TJP1: variants seen among roughly 807,000 people sequenced by gnomAD.
The protein encoded by TJP1 is tight junction protein ZO-1.
TJP1 carries 43 observed loss-of-function variants against 194.2 expected under a neutral mutation model. The observed-to-expected ratio is 0.22, with a 90% CI of 0.17 to 0.29. The LOEUF (loss-of-function observed/expected upper bound fraction) is 0.29, where lower values mean the gene tolerates loss of function less well. Ranked by LOEUF, TJP1 falls within the 10% of genes least tolerant of loss-of-function variation. The pLI is 1.00. For synonymous variants in TJP1, 801 were observed against 779.0 expected (o/e 1.03, Z -0.47); for missense variants, 1,971 against 2,185.7 (o/e 0.90, Z 1.96).
At chr15:29,784,344 G>C (rs2047564411) in intron 2 of TJP1, among the ~76,000 whole-genome samples, 1 of 151,996 alleles carries the variant, frequency 6.6e-6, no homozygotes, top group African/African-American at 2.4e-5. Context: ...TTCTCCTCCA[G>C]GCTGGAATGC....
intron 2 of TJP1, among the ~76,000 whole-genome samples, chr15:29,900,873 T>C (rs1471345284): frequency 2.6e-5 from 4 of 152,130 alleles, no homozygotes; most frequent in African/African-American, 9.7e-5. Flanking sequence ...AGACAAAGAA[T>C]CATCCTTTAT....
chr15:29,827,779 A>T (rs1269853557), intron 2 of TJP1, among the ~76,000 whole-genome samples: 1 of 152,126 alleles, frequency 6.6e-6, no homozygotes, highest in African/African-American at 2.4e-5. Context: ...CTTTAATGAC[A>T]CTTTTTTCCT....
intron 15 of TJP1, chr15:29,729,543 G>A (rs1010239940): frequency 7.2e-5 from 11 of 152,164 alleles, no homozygotes; most frequent in African/African-American, 2.7e-4. Context: ...GGGTCGGCTG[G>A]GTGCAGTGGC....
At position 29,725,631 on chromosome 15, in the gene TJP1, A is replaced by G. The variant is rs191667925; in HGVS notation, c.2412+748T>C. On this transcript the variant is annotated intron_variant, in intron 18 of 27. Transcript: ENST00000614355. ...ATTCTGAGGAAATGATTAACTCTCC[A>G]GACAAAATAAACAGACCTTCCCATC... Among the ~76,000 whole-genome samples the G allele has an allele frequency of 9.8e-3, 1,498 of 152,308 alleles. 13 individuals are homozygous for G. The highest frequency in any genetic ancestry group is 0.014 in the Middle Eastern group (4 of 294).
At chr15:29,908,937 G>A (rs1221409358) in intron 2 of TJP1, among the ~76,000 whole-genome samples, 6 of 151,960 alleles carry the variant, frequency 3.9e-5, no homozygotes, top group Non-Finnish European at 8.8e-5. Flanking sequence ...GGCGGATCAC[G>A]AGATCAGGAG....
rs45579840 is a variant in TJP1, at chr15:29,703,071, G to A, written c.5212+1091C>T. On this transcript the variant is annotated intron_variant, in intron 27 of 27. Transcript: ENST00000614355. Reference sequence around the variant, plus strand: ...AATAGTGTATAAAAGAAGTAATTTAGAGTATTACACTGAAAAACCATGGCC... The same window carrying A: ...AATAGTGTATAAAAGAAGTAATTTAAAGTATTACACTGAAAAACCATGGCC... 4.2e-3 allele frequency among the ~76,000 whole-genome samples: 635 copies of A among 152,310 alleles called. 8 individuals are homozygous for A. The highest frequency in any genetic ancestry group is 0.024 in the Middle Eastern group (7 of 294).
At chr15:29,798,315 T>C (rs983707464) in intron 2 of TJP1, among the ~76,000 whole-genome samples, 1 of 151,592 alleles carries the variant, frequency 6.6e-6, no homozygotes, top group African/African-American at 2.4e-5. Flanking sequence ...CAATACGGAT[T>C]GAGTATCCTT....
At chr15:29,801,047 A>G (rs2048749453) in intron 1 of TJP1, among the ~76,000 whole-genome samples, 1 of 152,238 alleles carries the variant, frequency 6.6e-6, no homozygotes, top group Non-Finnish European at 1.5e-5. Flanking sequence ...TGGCACGTAA[A>G]CATTTAAAAG....
At chr15:29,801,911 A>C (rs542620597) in intron 1 of TJP1, among the ~76,000 whole-genome samples, 43 of 151,960 alleles carry the variant, frequency 2.8e-4, no homozygotes, top group African/African-American at 9.4e-4. Flanking sequence ...CAAAAAAAAA[A>C]ATCTCATAAT....
intron 2 of TJP1, among the ~76,000 whole-genome samples, chr15:29,852,152 G>A (rs2051666277): frequency 6.6e-6 from 1 of 152,146 alleles, no homozygotes. Flanking sequence ...AAAATTTTTT[G>A]TTCTGCTAAA....
chr15:29,861,750 A>T (rs1224686339), intron 2 of TJP1, among the ~76,000 whole-genome samples: 1 of 152,048 alleles, frequency 6.6e-6, no homozygotes. Context: ...TTTTCAATTT[A>T]TTTATTTTGT....
intron 22 of TJP1, among the ~76,000 whole-genome samples, chr15:29,717,069 A>G (rs1791046930): frequency 6.6e-6 from 1 of 152,216 alleles, no homozygotes. Flanking sequence ...AACACAATAT[A>G]ATAAGCTAAA....
At chr15:29,719,204 G>A in intron 20 of TJP1, 66 bp from the exon 21 acceptor site, 15 of 1,401,670 alleles carry the variant, frequency 1.1e-5, no homozygotes, top group South Asian at 2.8e-5. Flanking sequence ...TTATTAGACT[G>A]TGATTAAATA....
intron 1 of TJP1, chr15:29,968,367 CCGACGCCCGGG>C (rs2056402745): frequency 3.0e-6 from 3 of 985,232 alleles, no homozygotes; most frequent in Non-Finnish European, 3.6e-6. Flanking sequence ...AGGCGGGAGG[CCGACGCCCGGG>C]TGCGGGTGCC....
chr15:29,946,048 G>T (rs2055270385), intron 2 of TJP1, among the ~76,000 whole-genome samples: 1 of 152,116 alleles, frequency 6.6e-6, no homozygotes, highest in African/African-American at 2.4e-5. Context: ...ACTAAACCTG[G>T]AACACAATAT....
chr15:29,773,949 A>G (rs7170406), intron 2 of TJP1, among the ~76,000 whole-genome samples: 124,171 of 152,118 alleles, frequency 0.82, 50,998 homozygotes, highest in East Asian at 0.96. Context: ...AATAAGCTAC[A>G]CACTTCTGAA....
Position 29,761,273 on chromosome 15 carries a change from A to C in TJP1, c.876T>G (p.Ile292Met), listed in dbSNP as rs2045989966. 6.2e-7 allele frequency: 1 copy of C among 1,613,850 alleles called. No homozygotes were observed. Among genetic ancestry groups the C allele is most frequent in the Non-Finnish European group, 8.5e-7 (1 of 1,179,930 alleles). Residue 292 changes from isoleucine (I) to methionine (M), a missense_variant, in exon 8 of 28, where the codon ATT becomes ATG. Ile to Met is a conservative substitution (Grantham distance 10). Transcript: ENST00000614355. ...NASERDDISE[I>M]QSLASDHSGR... ...CAGAATGATCTGATGCCAGTGACTG[A>C]ATTTCTGAAATGTCTGTTAATAAAA... is the stretch of plus-strand genomic sequence containing the variant.
chr15:29,732,926 A>C (rs575416519), intron 13 of TJP1, 111 bp from the exon 14 acceptor site: 7 of 1,256,676 alleles, frequency 5.6e-6, no homozygotes, highest in Non-Finnish European at 7.6e-6. Flanking sequence ...ATACAGTTTA[A>C]ATCTTAATGG....
intron 2 of TJP1, among the ~76,000 whole-genome samples, chr15:29,847,647 A>G (rs2051467566): frequency 6.6e-6 from 1 of 151,912 alleles, no homozygotes; most frequent in Admixed American, 6.6e-5. Context: ...TAGCCGGGCG[A>G]GGTGGTGCGT....
Sources: allele counts gnomAD v4.1 joint callset (sites outside exome capture counted in the v4.1 genomes callset), GRCh38; gene constraint gnomAD v4.1.1; transcripts MANE v1.5; gene names NCBI Gene and HGNC (gene_info 2026-07-23, HGNC 2026-07-21).